Variants in KANK4 observed in about 807,000 individuals in gnomAD.
KANK4 encodes the protein KN motif and ankyrin repeat domains 4, also known as KN motif and ankyrin repeat domain-containing protein 4.
A neutral mutation model predicts 80.8 loss-of-function variants in KANK4; 50 were observed. The observed-to-expected ratio is 0.62, with a 90% CI of 0.49 to 0.78. The LOEUF is 0.78. Among genes scored for constraint, KANK4 ranks in the 30% least tolerant of loss-of-function variants. The pLI is 0.00. For missense variants in KANK4, 1,196 were observed against 1,240.1 expected (o/e 0.96, Z 0.53); for synonymous variants, 465 against 506.9 (o/e 0.92, Z 1.11).
At chr1:62,300,086 A>AGCT (rs1360087335) in intron 1 of KANK4, among the ~76,000 whole-genome samples, 6 of 152,056 alleles carry the variant, frequency 3.9e-5, no homozygotes, top group African/African-American at 9.7e-5. Flanking sequence ...ATGTGGGTTC[A>AGCT]GCTGCTGCTG....
intron 9 of KANK4, among the ~76,000 whole-genome samples, chr1:62,247,242 A>T (rs1671487263): frequency 6.6e-6 from 1 of 151,866 alleles, no homozygotes; most frequent in Non-Finnish European, 1.5e-5. Context: ...TTGCATTGCC[A>T]TAGGATTCCT....
intron 1 of KANK4, among the ~76,000 whole-genome samples, chr1:62,306,716 TA>T (rs1022741470): frequency 2.0e-5 from 3 of 152,212 alleles, no homozygotes; most frequent in African/African-American, 4.8e-5. Flanking sequence ...TAATTTTTAA[TA>T]AAAAAATTCC....
rs1416837385 is a variant in KANK4 at position 62,253,391 on chromosome 1, TC to T, written c.2540-183del. Among the ~76,000 whole-genome samples the T allele has an allele frequency of 3.4e-5, 5 of 147,214 alleles. No individual in the cohort carries two copies. The East Asian group carries it at 8.4e-4, about 25-fold the overall frequency. Reference sequence around the variant, plus strand: ...CCTTTAAAGATGGTTTCTTTTCTTTTCTTTTTTTTCTTTCTTTCTTTTTTTT... The same window carrying T: ...CCTTTAAAGATGGTTTCTTTTCTTTTTTTTTTTTCTTTCTTTCTTTTTTTT... On this transcript the variant is annotated intron_variant, in intron 7 of 9. Coordinates refer to ENST00000371153, the MANE Select transcript of KANK4 (RefSeq NM_181712.5).
chr1:62,271,658 A>T, intron 3 of KANK4, 69 bp from the exon 4 acceptor site: 1 of 1,185,360 alleles, frequency 8.4e-7, no homozygotes, highest in Non-Finnish European at 1.3e-6. Context: ...AAACCAGGAT[A>T]TTGCTTTGAG....
chr1:62,239,622 G>A lies in KANK4; in HGVS notation c.2884-1241C>T, dbSNP rs575397497. Among the ~76,000 whole-genome samples, 33 of 152,044 alleles carry A rather than the reference G, an allele frequency of 2.2e-4. 1 individual carries two copies. In the South Asian group the frequency reaches 3.9e-3, roughly 18 times the overall value. ...GTTGGTGTGCTGCACCCATTAACTC[G>A]TCATTTACAGTAGGTATATCCCCTA... is the stretch of plus-strand genomic sequence containing the variant. On this transcript the variant is annotated intron_variant, in intron 9 of 9. Transcript: ENST00000371153.
chr1:62,246,463 T>G (rs1327954985), intron 9 of KANK4, among the ~76,000 whole-genome samples: 2 of 152,220 alleles, frequency 1.3e-5, no homozygotes, highest in Non-Finnish European at 2.9e-5. Context: ...ATGCTGTTAT[T>G]GCCATGACCA....
intron 3 of KANK4, chr1:62,271,820 G>A (rs1672170582): frequency 2.2e-6 from 1 of 457,766 alleles, no homozygotes; most frequent in Non-Finnish European, 4.0e-6. Context: ...AAGTGTGGAT[G>A]AAGAACCATG....
intron 1 of KANK4, among the ~76,000 whole-genome samples, chr1:62,289,192 A>T (rs1156493184): frequency 1.3e-5 from 2 of 152,214 alleles, no homozygotes; most frequent in Non-Finnish European, 2.9e-5. Flanking sequence ...CCTAACCAGA[A>T]ACAGAAATTA....
At chr1:62,240,980 G>A (rs1004039747) in intron 9 of KANK4, among the ~76,000 whole-genome samples, 2 of 152,270 alleles carry the variant, frequency 1.3e-5, no homozygotes, top group Non-Finnish European at 2.9e-5. Flanking sequence ...CCTGACCTGA[G>A]GCTGTTGGCC....
chr1:62,255,083 C>T (rs1053416703), intron 7 of KANK4, among the ~76,000 whole-genome samples: 1 of 151,790 alleles, frequency 6.6e-6, no homozygotes, highest in African/African-American at 2.4e-5. Context: ...GACCGGGTTT[C>T]ACCATGTTGG....
Position 62,238,260 on chromosome 1 carries a change from C to A in KANK4, c.*17G>T. ...GAAGAAGGCTTTTGTTCCCCACGGC[C>A]AGTTCTTCTGCAGCCCCTACAGCCC... On this transcript the variant is annotated 3_prime_UTR_variant, in exon 10 of 10. Coordinates refer to ENST00000371153, the MANE Select transcript of KANK4 (RefSeq NM_181712.5). 22 of 1,589,510 alleles carry A rather than the reference C, an allele frequency of 1.4e-5. No individual in the cohort carries two copies. The highest frequency in any genetic ancestry group is 1.9e-5 in the Non-Finnish European group (22 of 1,158,076).
intron 1 of KANK4, among the ~76,000 whole-genome samples, chr1:62,313,978 G>A (rs1246503556): frequency 2.6e-5 from 4 of 151,934 alleles, no homozygotes; most frequent in African/African-American, 4.8e-5. Flanking sequence ...AGCCACTACC[G>A]AACTTGCCAT....
chr1:62,275,442 T>C lies in KANK4; in HGVS notation c.17-355A>G, dbSNP rs140394138. Reference sequence around the variant, plus strand: ...GAATCACATAATTGCTGCACTGAAGTAGCCAGGAATTTGCCAAATCAGGGT... The same window carrying C: ...GAATCACATAATTGCTGCACTGAAGCAGCCAGGAATTTGCCAAATCAGGGT... On this transcript the variant is annotated intron_variant, in intron 2 of 9. Transcript: ENST00000371153. 4.3e-3 allele frequency among the ~76,000 whole-genome samples: 650 copies of C among 152,262 alleles called. 7 individuals are homozygous for C. Among genetic ancestry groups the C allele is most frequent in the African/African-American group, 0.015 (629 of 41,538 alleles).
At position 62,247,485 on chromosome 1, in the gene KANK4, C is replaced by G; in HGVS notation, c.2870G>C (p.Ser957Thr). The change falls in exon 9 of 10, where the codon AGC becomes ACC. Residue 957 changes from serine to threonine, a missense_variant. Ser to Thr is a moderately conservative substitution (Grantham distance 58). Transcript: ENST00000371153. ...LLLAHPACDS[S>T]LTDKAGRTAL... ...TGTAAGTCTCACCTTGTCAGTCAGGCTGCTGTCGCAGGCTGGGTGTGCCAG... is the reference window on the plus strand; with the variant it reads ...TGTAAGTCTCACCTTGTCAGTCAGGGTGCTGTCGCAGGCTGGGTGTGCCAG... The G allele has an allele frequency of 6.2e-7, 1 of 1,613,886 alleles. No individual in the cohort carries two copies. Among genetic ancestry groups the G allele is most frequent in the Non-Finnish European group, 8.5e-7 (1 of 1,180,022 alleles).
At chr1:62,279,367 C>T (rs897564420) in intron 2 of KANK4, among the ~76,000 whole-genome samples, 8 of 152,188 alleles carry the variant, frequency 5.3e-5, no homozygotes, top group Non-Finnish European at 1.2e-4. Flanking sequence ...AGACTACCCT[C>T]ACATGCGGCT....
At position 62,281,565 on chromosome 1, in the gene KANK4, C is replaced by T; in HGVS notation, c.-1G>A. On this transcript the variant is annotated 5_prime_UTR_variant, in exon 2 of 10. Transcript: ENST00000371153. The stretch of plus-strand genomic sequence containing the variant: ...CTTGCCTACCATCTGTCTTCTCCAT[C>T]TTTGGAGCGCTGACCCTCAGTGTCT... 6.2e-7 allele frequency: 1 copy of T among 1,614,228 alleles called. No individual in the cohort carries two copies. The highest frequency in any genetic ancestry group is 1.1e-5 in the South Asian group (1 of 91,086).
chr1:62,282,070 C>T (rs1379624878), intron 1 of KANK4, among the ~76,000 whole-genome samples: 3 of 152,088 alleles, frequency 2.0e-5, no homozygotes, highest in Non-Finnish European at 4.4e-5. Flanking sequence ...TGCGAAAAAG[C>T]TGGAATCAGA....
chr1:62,254,836 G>A (rs1386775235), intron 7 of KANK4, among the ~76,000 whole-genome samples: 1 of 149,626 alleles, frequency 6.7e-6, no homozygotes, highest in Non-Finnish European at 1.5e-5. Flanking sequence ...CCAAAGTGTT[G>A]GGATTATTAC....
intron 1 of KANK4, among the ~76,000 whole-genome samples, chr1:62,283,915 A>AGATTTCTCTTAGACTTG (rs1174913805): frequency 2.6e-5 from 4 of 152,200 alleles, no homozygotes; most frequent in African/African-American, 9.6e-5. Flanking sequence ...GAGACCTCGA[A>AGATTTCTCTTAGACTTG]GATTTCTCTT....
Sources: gnomAD v4.1 joint callset for allele counts (sites outside exome capture counted in the v4.1 genomes callset) on GRCh38, gnomAD v4.1.1 for gene constraint, MANE v1.5 for transcripts, NCBI Gene and HGNC (gene_info 2026-07-23, HGNC 2026-07-21) for gene names.